Variants in GRIN2B observed in about 807,000 individuals in gnomAD.
The protein encoded by GRIN2B is glutamate ionotropic receptor NMDA type subunit 2B.
Under a neutral mutation model 114.5 loss-of-function variants are expected in GRIN2B, and 5 were observed. The observed-to-expected ratio is 0.04, with a 90% CI of 0.02 to 0.09. The LOEUF (loss-of-function observed/expected upper bound fraction) is 0.09. Among genes scored for constraint, GRIN2B ranks in the 10% least tolerant of loss-of-function variants. The pLI, the probability that GRIN2B is intolerant of heterozygous loss-of-function variation, is 1.00. For synonymous variants in GRIN2B, 787 were observed against 745.1 expected, an observed-to-expected ratio of 1.06 and a Z score of -0.92; for missense variants, 1,108 against 1,943.5, an observed-to-expected ratio of 0.57 and a Z score of 8.08.
intron 2 of GRIN2B, among the ~76,000 whole-genome samples, chr12:13,889,604 T>C (rs1472445306): frequency 6.6e-6 from 1 of 152,152 alleles, no homozygotes; most frequent in African/African-American, 2.4e-5. Context: ...TACCTTAAAA[T>C]GAATAAAAAG....
intron 3 of GRIN2B, among the ~76,000 whole-genome samples, chr12:13,827,274 T>C (rs1235779742): frequency 6.9e-6 from 1 of 145,154 alleles, no homozygotes; most frequent in African/African-American, 2.5e-5. Flanking sequence ...ACTTCTTAAA[T>C]CTGTTGATTT....
chr12:13,847,284 C>T (rs955134582), intron 3 of GRIN2B, among the ~76,000 whole-genome samples: 1 of 152,116 alleles, frequency 6.6e-6, no homozygotes, highest in Non-Finnish European at 1.5e-5. Flanking sequence ...CCCACTATGA[C>T]CAAGCATATG....
In GRIN2B at chr12:13,814,954, A is replaced by AT. The variant is rs199836913; in HGVS notation, c.411+50843dup. Among the ~76,000 whole-genome samples, 1,207 of 152,050 alleles carry AT rather than the reference A, an allele frequency of 7.9e-3. 7 individuals are homozygous for AT. The highest frequency in any genetic ancestry group is 0.01 in the South Asian group (50 of 4,798). On this transcript the variant is annotated intron_variant, in intron 3 of 13. Transcript: ENST00000609686. ...TCTTCCCTTAAGTTTCATCTCTTTGATTTTTTAAACCTGTATTTAAACGTT... is the reference window on the plus strand; with the variant it reads ...TCTTCCCTTAAGTTTCATCTCTTTGATTTTTTTAAACCTGTATTTAAACGTT...
chr12:13,740,397 T>C (rs1863260029), intron 4 of GRIN2B, among the ~76,000 whole-genome samples: 1 of 152,140 alleles, frequency 6.6e-6, no homozygotes, highest in African/African-American at 2.4e-5. Context: ...TCCTACTGGA[T>C]GTGTCACTCA....
At position 13,615,634 on chromosome 12, in the gene GRIN2B, G is replaced by T; in HGVS notation, c.1359C>A (p.Ile453=). The change falls in exon 7 of 14, where the codon ATC becomes ATA. Residue 453 remains isoleucine, a synonymous_variant. Coordinates refer to ENST00000609686, the MANE Select transcript of GRIN2B (RefSeq NM_000834.5). This position sits in a 1 kb window ranked among gnomAD's most constrained non-coding sequence, Gnocchi z 5.8. The part of the protein sequence containing the change: ...ENKTDEEPGY[I]KKCCKGFCID... ...TACAGAACCCCTTGCAGCATTTTTT[G>T]ATGTAACCCGGCTCCTCGTCTGTTT... 1 of 1,613,362 alleles carries T rather than the reference G, an allele frequency of 6.2e-7. No homozygotes were observed. Among genetic ancestry groups the T allele is most frequent in the Non-Finnish European group, 8.5e-7 (1 of 1,179,372 alleles).
chr12:13,645,647 A>G (rs1949754295), intron 5 of GRIN2B, among the ~76,000 whole-genome samples: 1 of 152,004 alleles, frequency 6.6e-6, no homozygotes, highest in Non-Finnish European at 1.5e-5. Flanking sequence ...AGAGAAATAA[A>G]CAATTTCTTT....
chr12:13,922,875 C>T (rs945802266), intron 2 of GRIN2B, among the ~76,000 whole-genome samples: 2 of 152,156 alleles, frequency 1.3e-5, no homozygotes, highest in Non-Finnish European at 2.9e-5. Flanking sequence ...GTGACCTATG[C>T]TGGGCCAAAA....
rs368555085 is a variant in GRIN2B at position 13,571,830 on chromosome 12, A to G, written c.2145T>C (p.Asp715=). 4.6e-5 allele frequency: 74 copies of G among 1,613,980 alleles called. No homozygotes were observed. The highest frequency in any genetic ancestry group is 6.1e-5 in the Non-Finnish European group (72 of 1,179,934). ...YMGKFNQRGV[D]DALLSLKTGK... is the part of the protein sequence containing the mutation. ...CTGTTTTCAGGGAGAGCAATGCATC[A>G]TCTACACCCCTCTGGTTGAACTTTC... The change falls in exon 11 of 14, where the codon GAT becomes GAC. Residue 715 remains aspartate, a synonymous_variant. Transcript: ENST00000609686.
Position 13,753,712 on chromosome 12 carries a change from C to A in GRIN2B, c.615G>T (p.Leu205=), listed in dbSNP as rs777160522. The part of the protein sequence containing the change: ...VGWELEEVLL[L]DMSLDDGDSK... ...AATCTCCATCGTCCAGGGACATGTC[C>A]AGTAGGAGGACCTCCTCTAGCTCCC... Residue 205 remains leucine, a synonymous_variant, in exon 4 of 14, where the codon CTG becomes CTT. Coordinates refer to ENST00000609686, the MANE Select transcript of GRIN2B (RefSeq NM_000834.5). The surrounding 1 kb of genome is among the most constrained non-coding windows in gnomAD (Gnocchi z 6.2). 1 of 1,614,156 alleles carries A rather than the reference C, an allele frequency of 6.2e-7. No homozygotes were observed. The highest frequency in any genetic ancestry group is 8.5e-7 in the Non-Finnish European group (1 of 1,179,994).
chr12:13,691,411 C>T (rs544869602), intron 4 of GRIN2B, among the ~76,000 whole-genome samples: 2 of 152,322 alleles, frequency 1.3e-5, no homozygotes, highest in East Asian at 1.9e-4. Flanking sequence ...ATGAATAAGT[C>T]TCTCTGAACC....
intron 3 of GRIN2B, among the ~76,000 whole-genome samples, chr12:13,798,220 T>A (rs11832226): frequency 0.037 from 5,635 of 152,282 alleles, 133 homozygotes; most frequent in African/African-American, 0.063. Flanking sequence ...TGAAATGGCT[T>A]TTGTGTGTTT....
chr12:13,846,787 G>C (rs1305520150), intron 3 of GRIN2B, among the ~76,000 whole-genome samples: 2 of 152,154 alleles, frequency 1.3e-5, no homozygotes. Context: ...AAGTTGGAGA[G>C]TGAAAATAAG....
intron 5 of GRIN2B, among the ~76,000 whole-genome samples, chr12:13,667,287 G>A (rs573791654): frequency 1.6e-4 from 24 of 152,262 alleles, no homozygotes; most frequent in Admixed American, 9.8e-4. Context: ...AGATCAAAAA[G>A]AGAAAACCCT....
chr12:13,684,912 G>C (rs1208132531), intron 4 of GRIN2B, among the ~76,000 whole-genome samples: 1 of 152,062 alleles, frequency 6.6e-6, no homozygotes, highest in East Asian at 1.9e-4. Flanking sequence ...ATCCATTTTA[G>C]CTCACAGGCT....
chr12:13,778,795 G>A (rs1350578111), intron 3 of GRIN2B, among the ~76,000 whole-genome samples: 4 of 152,036 alleles, frequency 2.6e-5, no homozygotes, highest in Admixed American at 1.3e-4. Flanking sequence ...TCACTTGATC[G>A]TTCATTCTTC....
intron 3 of GRIN2B, among the ~76,000 whole-genome samples, chr12:13,805,716 A>T (rs1864588915): frequency 6.6e-6 from 1 of 152,190 alleles, no homozygotes; most frequent in Non-Finnish European, 1.5e-5. Context: ...ACATTACCAC[A>T]CATACTTATC....
chr12:13,813,168 G>C (rs1649284410), intron 3 of GRIN2B, among the ~76,000 whole-genome samples: 1 of 151,948 alleles, frequency 6.6e-6, no homozygotes, highest in African/African-American at 2.4e-5. Flanking sequence ...TCGAACTCCT[G>C]ATGTGATCCA....
In GRIN2B at chr12:13,562,687, G is replaced by T; in HGVS notation, c.*96C>A. 9.4e-7 allele frequency: 1 copy of T among 1,062,520 alleles called. No homozygotes were observed. The highest frequency in any genetic ancestry group is 1.5e-6 in the Non-Finnish European group (1 of 681,814). 65.8% of individuals were successfully genotyped at this position (1,062,520 alleles called of 1,614,324 possible). A position where few individuals can be genotyped will look rare whatever the true frequency, so the allele number is the denominator to read the frequency against. On this transcript the variant is annotated 3_prime_UTR_variant, in exon 14 of 14. Coordinates refer to ENST00000609686, the MANE Select transcript of GRIN2B (RefSeq NM_000834.5). ...ATTAAAACAAGAAAGGAGCAAATGG[G>T]AACCAAGTTCACCCCCGTCACCCTC...
At chr12:13,906,671 T>A (rs1866540104) in intron 2 of GRIN2B, among the ~76,000 whole-genome samples, 1 of 152,220 alleles carries the variant, frequency 6.6e-6, no homozygotes, top group South Asian at 2.1e-4. Context: ...GCACTTCATG[T>A]CTTACATTAA....
Sources: allele counts gnomAD v4.1 joint callset (sites outside exome capture counted in the v4.1 genomes callset), GRCh38; gene constraint gnomAD v4.1.1; non-coding constraint Gnocchi (gnomAD v3.1); transcripts MANE v1.5; gene names NCBI Gene and HGNC (gene_info 2026-07-23, HGNC 2026-07-21).